PTPRK: variants seen among roughly 807,000 people sequenced by gnomAD.
PTPRK encodes the protein protein tyrosine phosphatase receptor type K.
In PTPRK, 75 loss-of-function variants were observed where a neutral mutation model predicts 178.0. The ratio of observed to expected loss-of-function variants is 0.42; its 90% CI spans 0.35 to 0.51. The LOEUF (loss-of-function observed/expected upper bound fraction) is 0.51, where lower values mean the gene tolerates loss of function less well. Ranked by LOEUF, PTPRK falls within the 20% of genes least tolerant of loss-of-function variation. The pLI is 0.02. For missense variants in PTPRK, 1,441 were observed against 1,797.8 expected (o/e 0.80, Z 3.59); for synonymous variants, 637 against 620.6 (o/e 1.03, Z -0.39).
At chr6:128,370,868 A>T (rs533730841) in intron 2 of PTPRK, among the ~76,000 whole-genome samples, 2 of 152,310 alleles carry the variant, frequency 1.3e-5, no homozygotes, top group East Asian at 3.9e-4. Context: ...TTTGGTTCCA[A>T]GCAATAGCAC....
At chr6:128,446,079 C>T (rs1048004042) in intron 1 of PTPRK, among the ~76,000 whole-genome samples, 4 of 152,080 alleles carry the variant, frequency 2.6e-5, no homozygotes, top group Non-Finnish European at 2.9e-5. Context: ...CTCTAAGTAA[C>T]GGTGATGAAC....
At chr6:127,995,188 T>C in intron 18 of PTPRK, 12 of 1,456,440 alleles carry the variant, frequency 8.2e-6, no homozygotes, top group Non-Finnish European at 1.1e-5. Flanking sequence ...TAGTAATAAC[T>C]GTAATTAAGA....
intron 1 of PTPRK, among the ~76,000 whole-genome samples, chr6:128,496,050 C>T (rs1410739428): frequency 6.6e-6 from 1 of 152,138 alleles, no homozygotes; most frequent in Non-Finnish European, 1.5e-5. Flanking sequence ...CTTAGGATTA[C>T]ATATTGACAA....
chr6:128,431,825 A>C (rs908040947), intron 1 of PTPRK, among the ~76,000 whole-genome samples: 1 of 152,222 alleles, frequency 6.6e-6, no homozygotes, highest in Non-Finnish European at 1.5e-5. Flanking sequence ...GCCAAGAGAG[A>C]ATCCAAATGA....
rs1404045263 is a variant in PTPRK, at chr6:128,255,668, A to G, written c.496-13066T>C. On this transcript the variant is annotated intron_variant, in intron 3 of 29. Transcript: ENST00000368226. ...TGCTGAAGGCTGAAAAATACTGGTAAGACAGATCAGGTCAAAAGTTATCAA... is the reference window on the plus strand; with the variant it reads ...TGCTGAAGGCTGAAAAATACTGGTAGGACAGATCAGGTCAAAAGTTATCAA... 3.9e-5 allele frequency among the ~76,000 whole-genome samples: 6 copies of G among 152,246 alleles called. 1 individual carries two copies. The highest frequency in any genetic ancestry group is 8.8e-5 in the Non-Finnish European group (6 of 68,044).
At chr6:128,010,365 C>T (rs1583629836) in intron 13 of PTPRK, among the ~76,000 whole-genome samples, 1 of 151,382 alleles carries the variant, frequency 6.6e-6, no homozygotes, top group Non-Finnish European at 1.5e-5. Context: ...AACAGATACG[C>T]AAAGAAATCT....
intron 1 of PTPRK, among the ~76,000 whole-genome samples, chr6:128,503,750 G>A (rs1855891299): frequency 6.6e-6 from 1 of 151,982 alleles, no homozygotes; most frequent in Admixed American, 6.6e-5. Context: ...ACCACTCACT[G>A]CAGCCTTTAA....
chr6:128,123,066 G>T (rs1393938255), intron 7 of PTPRK, among the ~76,000 whole-genome samples: 1 of 152,138 alleles, frequency 6.6e-6, no homozygotes, highest in Non-Finnish European at 1.5e-5. Context: ...AGATTTGGGT[G>T]GGCCCTAAAT....
At chr6:128,082,124 T>C (rs1784933607) in intron 10 of PTPRK, among the ~76,000 whole-genome samples, 1 of 152,112 alleles carries the variant, frequency 6.6e-6, no homozygotes, top group South Asian at 2.1e-4. Flanking sequence ...GACACCATAA[T>C]AATTATCAAC....
At position 128,117,050 on chromosome 6, in the gene PTPRK, G is replaced by A. The variant is rs1791650382; in HGVS notation, c.1163-27058C>T. The stretch of plus-strand genomic sequence containing the variant: ...AGTCCCAGCTGCTCGGGAGGCGGAG[G>A]CAGGAGAATGGCATGAACCCGGGAG... On this transcript the variant is annotated intron_variant, in intron 7 of 29. Transcript: ENST00000368226. Among the ~76,000 whole-genome samples, 7 of 152,160 alleles carry A rather than the reference G, an allele frequency of 4.6e-5. No individual in the cohort carries two copies. In the South Asian group the frequency reaches 1.5e-3, roughly 32 times the overall value.
rs117766997 is a variant in PTPRK, at chr6:128,247,675, T to C, written c.496-5073A>G. Among the ~76,000 whole-genome samples the C allele has an allele frequency of 3.5e-3, 532 of 152,348 alleles. 4 individuals carry two copies. Among genetic ancestry groups the C allele is most frequent in the Non-Finnish European group, 5.5e-3 (375 of 68,032 alleles). ...TATGTAAAATGAAAACTTCAATTTC[T>C]TCTTCTATAAAGGAAAGTTTATAGG... On this transcript the variant is annotated intron_variant, in intron 3 of 29. Transcript: ENST00000368226.
At position 128,219,698 on chromosome 6, in the gene PTPRK, G is replaced by A. The variant is rs545450855; in HGVS notation, c.694-602C>T. On this transcript the variant is annotated intron_variant, in intron 5 of 29. Transcript: ENST00000368226. The stretch of plus-strand genomic sequence containing the variant: ...AATGAATTAACAGGAGAGTTAATGG[G>A]TCCAAGGCAAATGATTCATTGCCCC... Among the ~76,000 whole-genome samples the A allele has an allele frequency of 2.0e-5, 3 of 152,314 alleles. No homozygotes were observed. In the South Asian group the frequency reaches 6.2e-4, roughly 32 times the overall value.
chr6:128,119,130 A>G (rs78175236), intron 7 of PTPRK, among the ~76,000 whole-genome samples: 1,730 of 152,284 alleles, frequency 0.011, 34 homozygotes, highest in African/African-American at 0.038. Context: ...TAGTAATTAA[A>G]TGGAATCTAA....
intron 3 of PTPRK, among the ~76,000 whole-genome samples, chr6:128,274,838 CAA>C: frequency 6.6e-6 from 1 of 151,984 alleles, no homozygotes; most frequent in South Asian, 2.1e-4. Flanking sequence ...ATTCAGAAGA[CAA>C]ATTTCTGGCC....
chr6:128,366,656 T>C (rs1028438851), intron 2 of PTPRK, among the ~76,000 whole-genome samples: 1 of 152,156 alleles, frequency 6.6e-6, no homozygotes, highest in Admixed American at 6.6e-5. Flanking sequence ...CAATCAAGTC[T>C]ATGATCCCAG....
intron 13 of PTPRK, among the ~76,000 whole-genome samples, chr6:128,064,030 T>G (rs1323742207): frequency 6.6e-6 from 1 of 152,190 alleles, no homozygotes; most frequent in Non-Finnish European, 1.5e-5. Flanking sequence ...CTTTTTCATG[T>G]TTCTCTTGCT....
At chr6:128,515,857 A>G (rs138454711) in intron 1 of PTPRK, among the ~76,000 whole-genome samples, 378 of 152,354 alleles carry the variant, frequency 2.5e-3, no homozygotes, top group African/African-American at 8.7e-3. Context: ...ATCCCTATTT[A>G]GCATGATGTT....
intron 1 of PTPRK, among the ~76,000 whole-genome samples, chr6:128,467,782 A>G (rs1013174680): frequency 1.3e-5 from 2 of 150,094 alleles, no homozygotes; most frequent in Non-Finnish European, 3.0e-5. Flanking sequence ...TAACTGTCCC[A>G]TTAATCCTCT....
chr6:128,253,363 T>G (rs998721141), intron 3 of PTPRK, among the ~76,000 whole-genome samples: 9 of 152,138 alleles, frequency 5.9e-5, no homozygotes, highest in African/African-American at 2.2e-4. Flanking sequence ...CATAAAAGAT[T>G]TGGTATAAAA....
Sources: gnomAD v4.1 joint callset for allele counts (sites outside exome capture counted in the v4.1 genomes callset) on GRCh38, gnomAD v4.1.1 for gene constraint, MANE v1.5 for transcripts, NCBI Gene and HGNC (gene_info 2026-07-23, HGNC 2026-07-21) for gene names.